ARMH3: variants seen among roughly 807,000 people sequenced by gnomAD.
ARMH3 encodes armadillo like helical domain containing 3, also known as armadillo-like helical domain-containing protein 3.
A neutral mutation model predicts 99.1 loss-of-function variants in ARMH3; 60 were observed. The ratio of observed to expected loss-of-function variants is 0.61; its 90% CI spans 0.49 to 0.75. The LOEUF is 0.75. Ranked by LOEUF, ARMH3 falls within the 30% of genes least tolerant of loss-of-function variation. The pLI, the probability that ARMH3 is intolerant of heterozygous loss-of-function variation, is 0.00. For synonymous variants in ARMH3, 285 were observed against 292.8 expected, an observed-to-expected ratio of 0.97 and a Z score of 0.27; for missense variants, 679 against 843.1, an observed-to-expected ratio of 0.81 and a Z score of 2.41.
chr10:102,004,132 G>C (rs1187879512), intron 14 of ARMH3, among the ~76,000 whole-genome samples: 1 of 152,192 alleles, frequency 6.6e-6, no homozygotes, highest in East Asian at 1.9e-4. Context: ...TGCCAAGGCT[G>C]AGTTGTCAAA....
chr10:101,863,564 T>A (rs2066921475), intron 24 of ARMH3, among the ~76,000 whole-genome samples: 1 of 152,170 alleles, frequency 6.6e-6, no homozygotes, highest in Non-Finnish European at 1.5e-5. Context: ...TATACATATA[T>A]ATTAGAAAGG....
intron 24 of ARMH3, among the ~76,000 whole-genome samples, chr10:101,858,542 T>C (rs533670385): frequency 6.6e-6 from 1 of 152,288 alleles, no homozygotes; most frequent in South Asian, 2.1e-4. Context: ...GGGCCTGAAA[T>C]TGGGAGAAGT....
rs201471944 is a variant in ARMH3, at chr10:102,008,551, TTTTTA to T, written c.954+818_954+822del. ...TTTTGTTTTATTTTGTTATGTTTTG[TTTTTA>T]TTTTATTTTTTTTTGAGACAGAGTC... is the stretch of plus-strand genomic sequence containing the variant. On this transcript the variant is annotated intron_variant, in intron 13 of 25. Transcript: ENST00000370033. Among the ~76,000 whole-genome samples the T allele has an allele frequency of 9.3e-3, 1,406 of 151,864 alleles. 18 individuals carry two copies. Among genetic ancestry groups the T allele is most frequent in the African/African-American group, 0.032 (1,327 of 41,342 alleles).
At chr10:101,983,952 T>C (rs972212957) in intron 19 of ARMH3, among the ~76,000 whole-genome samples, 4 of 152,162 alleles carry the variant, frequency 2.6e-5, no homozygotes, top group African/African-American at 9.7e-5. Flanking sequence ...TGATTGGCTT[T>C]GAAAGCCAGG....
intron 1 of ARMH3, among the ~76,000 whole-genome samples, chr10:102,049,582 C>CT (rs528823071): frequency 0.026 from 3,540 of 137,350 alleles, 54 homozygotes; most frequent in Non-Finnish European, 0.04. Context: ...GGGCCTGCAA[C>CT]TTTTTTTTTT....
intron 23 of ARMH3, among the ~76,000 whole-genome samples, chr10:101,927,734 A>T (rs774343687): frequency 1.3e-5 from 2 of 152,064 alleles, no homozygotes; most frequent in Non-Finnish European, 2.9e-5. Context: ...TTCAAGACCA[A>T]CCTGGCTGGG....
chr10:101,893,892 A>T (rs1366286394), intron 23 of ARMH3, among the ~76,000 whole-genome samples: 1 of 152,208 alleles, frequency 6.6e-6, no homozygotes, highest in Non-Finnish European at 1.5e-5. Flanking sequence ...CAGGACATAC[A>T]TGCTGATATT....
intron 19 of ARMH3, among the ~76,000 whole-genome samples, chr10:101,989,720 C>CAAAACA (rs535385476): frequency 3.3e-5 from 5 of 151,936 alleles, no homozygotes; most frequent in Admixed American, 1.3e-4. Context: ...GACTCCGTCT[C>CAAAACA]AAAACAAAAA....
At chr10:101,993,485 G>T in intron 17 of ARMH3, 53 bp downstream of exon 17, 2 of 1,375,742 alleles carry the variant, frequency 1.5e-6, no homozygotes, top group South Asian at 2.5e-5. Context: ...CAACCCTGCC[G>T]ACATACAAAA....
chr10:101,952,591 A>G (rs1442235744), intron 22 of ARMH3: 1 of 152,232 alleles, frequency 6.6e-6, no homozygotes, highest in Non-Finnish European at 1.5e-5. Flanking sequence ...TTACCCGCTT[A>G]ACCACTTTTT....
chr10:101,982,151 T>C (rs933891366), intron 19 of ARMH3, among the ~76,000 whole-genome samples: 1 of 148,584 alleles, frequency 6.7e-6, no homozygotes, highest in Non-Finnish European at 1.5e-5. Flanking sequence ...GAAGCCAAGG[T>C]GGGTGGATCA....
intron 21 of ARMH3, among the ~76,000 whole-genome samples, chr10:101,957,332 A>G (rs1483075810): frequency 6.6e-6 from 1 of 152,218 alleles, no homozygotes; most frequent in African/African-American, 2.4e-5. Flanking sequence ...AGGGTTTGCT[A>G]TTTACCAACA....
intron 19 of ARMH3, among the ~76,000 whole-genome samples, chr10:101,989,868 A>C (rs1353806179): frequency 6.6e-6 from 1 of 152,246 alleles, no homozygotes; most frequent in Non-Finnish European, 1.5e-5. Flanking sequence ...TAGGCTAAGA[A>C]TGGATCAGAA....
At chr10:102,000,036 T>C (rs572848090) in intron 15 of ARMH3, among the ~76,000 whole-genome samples, 189 of 152,220 alleles carry the variant, frequency 1.2e-3, no homozygotes, top group Non-Finnish European at 2.2e-3. Context: ...TGAGCCTTGG[T>C]TGCAATTGCA....
intron 23 of ARMH3, among the ~76,000 whole-genome samples, chr10:101,893,863 T>C (rs1186398655): frequency 1.3e-5 from 2 of 152,172 alleles, no homozygotes; most frequent in Non-Finnish European, 2.9e-5. Context: ...GCTCTATGGG[T>C]GACCTGTTCT....
At position 101,847,199 on chromosome 10, in the gene ARMH3, C is replaced by A. The variant is rs1179430257; in HGVS notation, c.*329G>T. 1 of 263,086 alleles carries A rather than the reference C, an allele frequency of 3.8e-6. No individual in the cohort carries two copies. The highest frequency in any genetic ancestry group is 7.5e-6 in the Non-Finnish European group (1 of 133,728). The allele number at this position is 263,086 out of a possible 1,614,324, so 16.3% of individuals were successfully genotyped here. On this transcript the variant is annotated 3_prime_UTR_variant, in exon 26 of 26. Transcript: ENST00000370033. ...GGCATTACCCTGAGGCTTGCCTCAC[C>A]AGCTCCCGAAAATTAGTCAGTAGCT...
intron 23 of ARMH3, among the ~76,000 whole-genome samples, chr10:101,910,293 T>C (rs1842810726): frequency 6.6e-6 from 1 of 152,218 alleles, no homozygotes; most frequent in South Asian, 2.1e-4. Context: ...ACACCTATGG[T>C]CTGATAACCT....
At chr10:101,954,396 T>C (rs990162802) in intron 22 of ARMH3, among the ~76,000 whole-genome samples, 2 of 152,186 alleles carry the variant, frequency 1.3e-5, no homozygotes, top group Non-Finnish European at 2.9e-5. Context: ...ATGACAAGGA[T>C]GAATTTCAAA....
intron 19 of ARMH3, among the ~76,000 whole-genome samples, chr10:101,986,476 C>T (rs535697661): frequency 4.0e-5 from 6 of 151,816 alleles, no homozygotes; most frequent in South Asian, 2.1e-4. Context: ...GTATAAGCAC[C>T]TTCCCCCATC....
Sources: gnomAD v4.1 joint callset for allele counts (sites outside exome capture counted in the v4.1 genomes callset) on GRCh38, gnomAD v4.1.1 for gene constraint, MANE v1.5 for transcripts, NCBI Gene and HGNC (gene_info 2026-07-23, HGNC 2026-07-21) for gene names.